Variants in ERP44 observed in about 807,000 individuals in gnomAD.
ERP44 encodes endoplasmic reticulum resident protein 44.
In ERP44, 25 loss-of-function variants were observed where a neutral mutation model predicts 53.4. The ratio of observed to expected loss-of-function variants is 0.47; its 90% confidence interval spans 0.34 to 0.65. The LOEUF is 0.65. Ranked by LOEUF, ERP44 falls within the 30% of genes least tolerant of loss-of-function variation. The probability of loss-of-function intolerance (pLI) is 0.01; values close to 1 mark genes in which losing one functional copy is unlikely to be tolerated. For synonymous variants in ERP44, 145 were observed against 161.2 expected (o/e 0.90, Z 0.76); for missense variants, 338 against 493.2 (o/e 0.69, Z 2.98).
chr9:100,078,123 G>C (rs948176821), intron 1 of ERP44, among the ~76,000 whole-genome samples: 1 of 152,208 alleles, frequency 6.6e-6, no homozygotes, highest in African/African-American at 2.4e-5. Context: ...TCCTCCTTTT[G>C]TTAAAAACGT....
intron 10 of ERP44, among the ~76,000 whole-genome samples, chr9:99,999,482 C>G (rs978319437): frequency 2.6e-5 from 4 of 152,140 alleles, no homozygotes; most frequent in African/African-American, 9.7e-5. Context: ...GCTTGTGTGT[C>G]TTATTTTGAG....
chr9:100,028,760 G>A (rs1830679817), intron 4 of ERP44, among the ~76,000 whole-genome samples: 1 of 152,160 alleles, frequency 6.6e-6, no homozygotes, highest in Non-Finnish European at 1.5e-5. Flanking sequence ...TTCCTAGAGA[G>A]AGTAGAGCAT....
chr9:100,084,489 T>C (rs1237224743), intron 1 of ERP44, among the ~76,000 whole-genome samples: 1 of 152,170 alleles, frequency 6.6e-6, no homozygotes, highest in Non-Finnish European at 1.5e-5. Context: ...ACCTAAAATA[T>C]CTGACTGATA....
chr9:100,080,138 G>A lies in ERP44; in HGVS notation c.57+18646C>T, dbSNP rs1417202541. Among the ~76,000 whole-genome samples, 8 of 151,980 alleles carry A rather than the reference G, an allele frequency of 5.3e-5. No homozygotes were observed. The South Asian group carries it at 1.7e-3, about 32-fold the overall frequency. ...ATTCAGAATTACAAAGATGAAGCGA[G>A]CCCTAGTTTACCTACTTTTAGAATA... On this transcript the variant is annotated intron_variant, in intron 1 of 11. Transcript: ENST00000262455.
At chr9:100,083,661 A>C (rs540162372) in intron 1 of ERP44, among the ~76,000 whole-genome samples, 2 of 152,340 alleles carry the variant, frequency 1.3e-5, no homozygotes, top group South Asian at 2.1e-4. Flanking sequence ...ACCTTCTACC[A>C]ATTAGCATGG....
chr9:100,020,801 G>A (rs779715285), intron 5 of ERP44, 70 bp from the exon 6 acceptor site: 104 of 765,902 alleles, frequency 1.4e-4, no homozygotes, highest in South Asian at 2.7e-4. Context: ...TCATTTACCC[G>A]TTATCTTAGT....
At chr9:99,996,706 A>G (rs888028911) in intron 10 of ERP44, among the ~76,000 whole-genome samples, 1 of 152,138 alleles carries the variant, frequency 6.6e-6, no homozygotes, top group Non-Finnish European at 1.5e-5. Flanking sequence ...ACAAGTCCCC[A>G]AAGTCCATTG....
rs1830142863 is a variant in ERP44 at position 99,980,935 on chromosome 9, T to A, written c.*1677A>T. ...ACCCTTGAATTGTATCTTTTGTTGA[T>A]TATTTTTTCAAACCCAGTTACAGGA... is the stretch of plus-strand genomic sequence containing the variant. On this transcript the variant is annotated 3_prime_UTR_variant, in exon 12 of 12. Transcript: ENST00000262455. 6.6e-6 allele frequency: 1 copy of A among 152,242 alleles called. No homozygotes were observed. The highest frequency in any genetic ancestry group is 2.4e-5 in the African/African-American group (1 of 41,452). The allele number at this position is 152,242 out of a possible 1,614,324, so 9.4% of individuals were successfully genotyped here. A position where few individuals can be genotyped will look rare whatever the true frequency, so the allele number is the denominator to read the frequency against.
At chr9:100,024,407 A>AGGCCGGGCGCGGTGGCTCAC (rs1306022555) in intron 4 of ERP44, among the ~76,000 whole-genome samples, 1 of 148,824 alleles carries the variant, frequency 6.7e-6, no homozygotes, top group African/African-American at 2.6e-5. Context: ...TAGGGAGAAG[A>AGGCCGGGCGCGGTGGCTCAC]AACTTGGGGA....
chr9:100,016,197 A>G, intron 8 of ERP44, 125 bp downstream of exon 8: 2 of 1,385,396 alleles, frequency 1.4e-6, no homozygotes, highest in South Asian at 3.5e-5. Context: ...CAGCTATGAT[A>G]TAGTTATGTT....
chr9:100,029,580 C>T (rs189981394), intron 4 of ERP44, among the ~76,000 whole-genome samples: 2 of 152,124 alleles, frequency 1.3e-5, no homozygotes, highest in Admixed American at 6.5e-5. Context: ...GAGACAGTAA[C>T]GTAGCACAGC....
intron 4 of ERP44, among the ~76,000 whole-genome samples, chr9:100,044,759 A>G (rs904560022): frequency 2.6e-5 from 4 of 152,166 alleles, no homozygotes; most frequent in Admixed American, 2.0e-4. Flanking sequence ...TCCTTAATCA[A>G]TGACAAACTA....
At chr9:100,043,291 A>AAAAAAAAAAG (rs1168903331) in intron 4 of ERP44, among the ~76,000 whole-genome samples, 1,560 of 74,868 alleles carry the variant, frequency 0.021, 415 homozygotes, top group East Asian at 0.056. Flanking sequence ...AAAAAAAAAA[A>AAAAAAAAAAG]GATAAATAAG....
At chr9:99,996,055 T>C (rs946680794) in intron 10 of ERP44, among the ~76,000 whole-genome samples, 11 of 152,078 alleles carry the variant, frequency 7.2e-5, no homozygotes, top group Admixed American at 6.5e-5. Flanking sequence ...TTTTGTCTCT[T>C]TTATAATAGT....
In ERP44 at chr9:100,020,701, C is replaced by T. The variant is rs1329966926; in HGVS notation, c.502G>A (p.Glu168Lys). 8 of 1,602,346 alleles carry T rather than the reference C, an allele frequency of 5.0e-6. No homozygotes were observed. In the African/African-American group the frequency reaches 6.7e-5, roughly 13 times the overall value. Residue 168 changes from glutamate to lysine, a missense_variant, in exon 6 of 12, where the codon GAG (glutamate) becomes AAG (lysine). Physicochemically the swap from Glu to Lys is moderately conservative, Grantham distance 56 (BLOSUM62 1). Transcript: ENST00000262455. The part of the protein sequence containing the change: ...RSKRNIIGYF[E>K]QKDSDNYRVF... ...CTATAGTTGTCCGAGTCCTTTTGCT[C>T]AAAATATCCAATGATATTTCTTTTG...
chr9:100,059,478 G>A (rs1187518178), intron 2 of ERP44, among the ~76,000 whole-genome samples: 1 of 152,090 alleles, frequency 6.6e-6, no homozygotes, highest in Non-Finnish European at 1.5e-5. Context: ...TTGAGGTCAG[G>A]AATTCAAGAC....
intron 10 of ERP44, among the ~76,000 whole-genome samples, chr9:99,993,994 A>T (rs192371928): frequency 8.9e-4 from 135 of 152,306 alleles, no homozygotes; most frequent in Non-Finnish European, 3.4e-4. Context: ...TCATTAAGTC[A>T]GGAAACAACA....
At chr9:100,051,203 C>T (rs898799395) in intron 4 of ERP44, among the ~76,000 whole-genome samples, 18 of 152,182 alleles carry the variant, frequency 1.2e-4, no homozygotes, top group Non-Finnish European at 1.8e-4. Context: ...AAATGCCTTG[C>T]TGCCTAGCGC....
At position 99,982,419 on chromosome 9, in the gene ERP44, T is replaced by TG. The variant is rs892783031; in HGVS notation, c.*192_*193insC. 1 of 282,392 alleles carries TG rather than the reference T, an allele frequency of 3.5e-6. No individual in the cohort carries two copies. Among genetic ancestry groups the TG allele is most frequent in the Non-Finnish European group, 6.4e-6 (1 of 155,174 alleles). 17.5% of individuals were successfully genotyped at this position (282,392 alleles called of 1,614,324 possible). A position where few individuals can be genotyped will look rare whatever the true frequency, so the allele number is the denominator to read the frequency against. On this transcript the variant is annotated 3_prime_UTR_variant, in exon 12 of 12. Transcript: ENST00000262455. ...TTTTATTTTTAAATCCTAGCAGGTT[T>TG]TTTTTTTTTAAGAGGCTACTATATT...
Sources: allele counts gnomAD v4.1 joint callset (sites outside exome capture counted in the v4.1 genomes callset), GRCh38; gene constraint gnomAD v4.1.1; transcripts MANE v1.5; gene names NCBI Gene and HGNC (gene_info 2026-07-23, HGNC 2026-07-21).